ITPK1: variants seen among roughly 807,000 people sequenced by gnomAD.
ITPK1 encodes inositol-tetrakisphosphate 1-kinase.
A neutral mutation model predicts 45.3 loss-of-function variants in ITPK1; 21 were observed. That is an observed-to-expected ratio of 0.46 (90% CI 0.33 to 0.67). ITPK1 has a LOEUF of 0.67. ITPK1 is among the 30% of genes least tolerant of loss of function. The pLI is 0.02. For synonymous variants in ITPK1, 258 were observed against 253.6 expected, an observed-to-expected ratio of 1.02 and a Z score of -0.16; for missense variants, 474 against 573.5, an observed-to-expected ratio of 0.83 and a Z score of 1.77.
rs571889132 is a variant in ITPK1, at chr14:93,094,886, T to C, written c.96-18267A>G. ...CCCAGAGTCCGTGTTGAAGGACTCC[T>C]GGCTCCACAGCGTCACGCCTTGGCA... On this transcript the variant is annotated intron_variant, in intron 2 of 10. Transcript: ENST00000267615. Among the ~76,000 whole-genome samples, 187 of 152,368 alleles carry C rather than the reference T, an allele frequency of 1.2e-3. 1 individual carries two copies. Among genetic ancestry groups the C allele is most frequent in the Non-Finnish European group, 2.2e-3 (152 of 68,024 alleles).
At chr14:93,057,235 A>G (rs1890245992) in intron 3 of ITPK1, among the ~76,000 whole-genome samples, 1 of 152,224 alleles carries the variant, frequency 6.6e-6, no homozygotes. Flanking sequence ...TCCACCACGC[A>G]TACACAGGCA....
chr14:93,092,955 T>C (rs988104358), intron 2 of ITPK1, among the ~76,000 whole-genome samples: 13 of 152,112 alleles, frequency 8.5e-5, no homozygotes, highest in African/African-American at 3.1e-4. Context: ...GCCTCCAGGG[T>C]GCCCCAGACC....
chr14:92,980,552 G>A (rs577313804), intron 5 of ITPK1, among the ~76,000 whole-genome samples: 1 of 152,182 alleles, frequency 6.6e-6, no homozygotes, highest in Non-Finnish European at 1.5e-5. Context: ...CCACTGGAAT[G>A]CCCTCCCTTC....
intron 2 of ITPK1, among the ~76,000 whole-genome samples, chr14:93,088,341 G>T (rs111673809): frequency 0.26 from 34,665 of 131,752 alleles, 4,641 homozygotes; most frequent in African/African-American, 0.37. Flanking sequence ...GTTTTGTTTT[G>T]TTTTTTTTTT....
At chr14:92,993,787 A>G in intron 5 of ITPK1, 93 bp downstream of exon 5, 1 of 778,472 alleles carries the variant, frequency 1.3e-6, no homozygotes, top group South Asian at 1.5e-5. Flanking sequence ...TTAAAAAGAC[A>G]AGACCCCTCT....
At chr14:92,965,991 G>A (rs1324117310) in intron 5 of ITPK1, among the ~76,000 whole-genome samples, 15 of 152,190 alleles carry the variant, frequency 9.9e-5, no homozygotes, top group South Asian at 4.1e-4. Flanking sequence ...CAACAAGAGC[G>A]AAACTCCATA....
chr14:93,032,681 G>T lies in ITPK1; in HGVS notation c.121-15880C>A, dbSNP rs145500631. Among the ~76,000 whole-genome samples, 1 of 152,292 alleles carries T rather than the reference G, an allele frequency of 6.6e-6. No individual in the cohort carries two copies. Among genetic ancestry groups the T allele is most frequent in the African/African-American group, 2.4e-5 (1 of 41,560 alleles). ...CAGGGACCACATACACACCATGCTGGGCGGGGCAGCTTGATGCCCTTGAAT... is the reference window on the plus strand; with the variant it reads ...CAGGGACCACATACACACCATGCTGTGCGGGGCAGCTTGATGCCCTTGAAT... On this transcript the variant is annotated intron_variant, in intron 3 of 10. Coordinates refer to ENST00000267615, the MANE Select transcript of ITPK1 (RefSeq NM_014216.6). This position sits in a 1 kb window ranked among gnomAD's most constrained non-coding sequence, Gnocchi z 4.0.
At chr14:93,039,990 C>T (rs537724269) in intron 3 of ITPK1, among the ~76,000 whole-genome samples, 5 of 152,240 alleles carry the variant, frequency 3.3e-5, no homozygotes, top group African/African-American at 1.2e-4. Flanking sequence ...GGGGTCAGAG[C>T]GCACACGGGT....
intron 3 of ITPK1, among the ~76,000 whole-genome samples, chr14:93,027,448 T>C (rs1183007649): frequency 2.0e-5 from 3 of 152,130 alleles, no homozygotes; most frequent in African/African-American, 7.2e-5. Context: ...AATGACCCCA[T>C]GAGGCAGAGC....
chr14:92,984,632 T>C (rs948450120), intron 5 of ITPK1, among the ~76,000 whole-genome samples: 1 of 152,206 alleles, frequency 6.6e-6, no homozygotes, highest in Non-Finnish European at 1.5e-5. Context: ...GTAATCCTGA[T>C]TCTCCAACAT....
Position 92,979,959 on chromosome 14 carries a change from T to C in ITPK1, c.364+13921A>G, listed in dbSNP as rs12434728. Reference sequence around the variant, plus strand: ...CCACGCCTGGCTAATTTTTGTATTTTTAGTAGAGACGGGGTTTTCCCATGT... The same window carrying C: ...CCACGCCTGGCTAATTTTTGTATTTCTAGTAGAGACGGGGTTTTCCCATGT... On this transcript the variant is annotated intron_variant, in intron 5 of 10. Transcript: ENST00000267615. Among the ~76,000 whole-genome samples the C allele has an allele frequency of 8.9e-3, 1,353 of 152,222 alleles. 17 individuals carry two copies. Among genetic ancestry groups the C allele is most frequent in the African/African-American group, 0.031 (1,270 of 41,510 alleles).
chr14:93,011,143 C>A (rs999376518), intron 4 of ITPK1, among the ~76,000 whole-genome samples: 1 of 152,240 alleles, frequency 6.6e-6, no homozygotes, highest in African/African-American at 2.4e-5. Context: ...ATGGATGAGT[C>A]CGTGTCACCA....
chr14:93,051,514 G>C (rs1004874049), intron 3 of ITPK1, among the ~76,000 whole-genome samples: 1 of 151,792 alleles, frequency 6.6e-6, no homozygotes, highest in African/African-American at 2.4e-5. Context: ...TATTCAGGTG[G>C]CTGAGGCAGG....
chr14:93,001,815 C>T (rs1330919351), intron 4 of ITPK1, among the ~76,000 whole-genome samples: 1 of 152,228 alleles, frequency 6.6e-6, no homozygotes, highest in Non-Finnish European at 1.5e-5. Flanking sequence ...CCAGGCCCAG[C>T]TGAGGGCCAC....
intron 5 of ITPK1, among the ~76,000 whole-genome samples, chr14:92,964,626 C>T (rs1014720458): frequency 6.6e-6 from 1 of 152,234 alleles, no homozygotes; most frequent in African/African-American, 2.4e-5. Context: ...CTGCCATAGG[C>T]AGGCTTCGGA....
intron 3 of ITPK1, among the ~76,000 whole-genome samples, chr14:93,055,577 G>C (rs1392717005): frequency 6.6e-6 from 1 of 152,164 alleles, no homozygotes; most frequent in African/African-American, 2.4e-5. Context: ...GCCTGGCCCA[G>C]AACAGATACT....
chr14:93,052,189 A>G (rs1015440781), intron 3 of ITPK1, among the ~76,000 whole-genome samples: 1 of 152,232 alleles, frequency 6.6e-6, no homozygotes, highest in Admixed American at 6.5e-5. Flanking sequence ...CAATTTCCAT[A>G]TCCAAAAGGT....
chr14:93,089,055 C>T (rs889509957), intron 2 of ITPK1, among the ~76,000 whole-genome samples: 1 of 152,222 alleles, frequency 6.6e-6, no homozygotes, highest in Non-Finnish European at 1.5e-5. Context: ...GGATGAGGCT[C>T]TGGGATTTCT....
At chr14:93,028,800 C>T (rs533927778) in intron 3 of ITPK1, among the ~76,000 whole-genome samples, 163 of 152,362 alleles carry the variant, frequency 1.1e-3, no homozygotes, top group African/African-American at 3.7e-3. Context: ...ATTTCTAAGC[C>T]TCAGCGTCCC....
Sources: gnomAD v4.1 joint callset for allele counts (sites outside exome capture counted in the v4.1 genomes callset) on GRCh38, gnomAD v4.1.1 for gene constraint, Gnocchi (gnomAD v3.1) non-coding constraint, MANE v1.5 for transcripts, NCBI Gene and HGNC (gene_info 2026-07-23, HGNC 2026-07-21) for gene names.